The following GSTT4 variants were observed in gnomAD, a reference collection of about 807,000 sequenced individuals.
GSTT4 encodes the protein glutathione S-transferase theta-4.
intron 2 of GSTT4, among the ~76,000 whole-genome samples, chr22:24,003,529 A>T (rs1471091610): frequency 6.6e-6 from 1 of 152,266 alleles, no homozygotes; most frequent in Non-Finnish European, 1.5e-5. Flanking sequence ...GAATGGAATG[A>T]TGGGGTGTCT....
intron 2 of GSTT4, among the ~76,000 whole-genome samples, chr22:24,002,059 A>G (rs587602508): frequency 0.047 from 7,079 of 150,288 alleles, no homozygotes; most frequent in African/African-American, 0.17. Context: ...TCTGAAGAAA[A>G]GAGAGTAGGG....
intron 4 of GSTT4, among the ~76,000 whole-genome samples, chr22:23,999,455 A>G: frequency 1.5e-5 from 2 of 132,388 alleles, no homozygotes; most frequent in Non-Finnish European, 3.2e-5. Flanking sequence ...TCTCGGGCAT[A>G]TCTCTGGCTG....
intron 1 of GSTT4, 58 bp from the exon 2 acceptor site, chr22:24,003,905 C>G (rs2034293777): frequency 6.5e-6 from 1 of 154,980 alleles, no homozygotes; most frequent in Non-Finnish European, 1.5e-5. Context: ...AGAACTGAGA[C>G]TCCCAGAGAC....
chr22:24,001,206 T>A lies in GSTT4; in HGVS notation c.320A>T (p.Gln107Leu), dbSNP rs2034222262. The A allele has an allele frequency of 6.7e-6, 1 of 149,834 alleles. No homozygotes were observed. Among genetic ancestry groups the A allele is most frequent in the East Asian group, 2.0e-4 (1 of 5,054 alleles). The allele number at this position is 149,834 out of a possible 1,614,324, so 9.3% of individuals were successfully genotyped here. A position where few individuals can be genotyped will look rare whatever the true frequency, so the allele number is the denominator to read the frequency against. ...EFVAWQHTAF[Q>L]LPMKKIVWLK... Reference sequence around the variant, plus strand: ...CCAGACTATCTTCTTCATGGGCAGCTGAAAGGCCGTGTGTTGCCAAGCCAC... The same window carrying A: ...CCAGACTATCTTCTTCATGGGCAGCAGAAAGGCCGTGTGTTGCCAAGCCAC... The change falls in exon 3 of 5, where the codon CAG becomes CTG. Residue 107 changes from glutamine (Q) to leucine (L), a missense_variant. Gln to Leu is a moderately radical substitution (Grantham distance 113). Transcript: ENST00000621179.
downstream of GSTT4, among the ~76,000 whole-genome samples, chr22:23,996,270 T>TTTA (rs1394904372): frequency 2.6e-5 from 4 of 152,218 alleles, no homozygotes; most frequent in Admixed American, 2.6e-4. Context: ...TCTAATGGTT[T>TTTA]TTAAGTGAGT....
Position 24,005,300 on chromosome 22 carries a change from G to C in GSTT4, c.57C>G (p.Ile19Met), listed in dbSNP as rs1258144940. 2.0e-5 allele frequency: 3 copies of C among 153,328 alleles called. No homozygotes were observed. Among genetic ancestry groups the C allele is most frequent in the Non-Finnish European group, 4.4e-5 (3 of 68,474 alleles). The allele number at this position is 153,328 out of a possible 1,614,324, so 9.5% of individuals were successfully genotyped here. A position where few individuals can be genotyped will look rare whatever the true frequency, so the allele number is the denominator to read the frequency against. ...ACTGGATGTCATGCTTCTTCGAGAA[G>C]ATGTAGACGGCACGGCAGGGTGCTG... is the stretch of plus-strand genomic sequence containing the variant. ...LLSAPCRAVY[I>M]FSKKHDIQFN... Residue 19 changes from isoleucine (I) to methionine (M), a missense_variant, in exon 1 of 5, where the codon ATC becomes ATG. Coordinates refer to ENST00000621179, the MANE Select transcript of GSTT4 (RefSeq NM_001358664.2).
intron 1 of GSTT4, chr22:24,004,919 C>G (rs1488237200): frequency 1.3e-5 from 2 of 152,592 alleles, no homozygotes; most frequent in East Asian, 3.9e-4. Context: ...CCTGTAATCC[C>G]AGCACTCTGG....
chr22:24,002,420 C>T (rs1431876072), intron 2 of GSTT4, among the ~76,000 whole-genome samples: 1 of 152,252 alleles, frequency 6.6e-6, no homozygotes, highest in South Asian at 2.1e-4. Flanking sequence ...GGAACCTCCG[C>T]AGAACAAGGG....
chr22:23,991,696 G>A, the GSTT4 span, among the ~76,000 whole-genome samples: 1 of 141,822 alleles, frequency 7.1e-6, no homozygotes, highest in East Asian at 2.0e-4. Context: ...GTCAATCAGT[G>A]GCGTGTCTGC....
At chr22:24,003,336 G>A (rs1364323667) in intron 2 of GSTT4, among the ~76,000 whole-genome samples, 1 of 151,940 alleles carries the variant, frequency 6.6e-6, no homozygotes, top group Non-Finnish European at 1.5e-5. Flanking sequence ...TCAGCCTCCC[G>A]AGTAGCTGGG....
At chr22:23,993,740 A>G (rs2034089531), downstream of GSTT4, among the ~76,000 whole-genome samples, 1 of 151,950 alleles carries the variant, frequency 6.6e-6, no homozygotes, top group African/African-American at 2.4e-5. Context: ...ACCAATCTCT[A>G]CCTGGGCTCT....
At chr22:23,991,171 C>T in the GSTT4 span, among the ~76,000 whole-genome samples, 2 of 88,114 alleles carry the variant, frequency 2.3e-5, no homozygotes, top group African/African-American at 7.0e-5. Flanking sequence ...GAGTTAGATG[C>T]TGTCTCCAAA....
the GSTT4 span, among the ~76,000 whole-genome samples, chr22:23,992,670 T>C: frequency 6.6e-6 from 1 of 151,890 alleles, no homozygotes; most frequent in South Asian, 2.1e-4. Context: ...AAAGATCTCA[T>C]GAGGGTGGAC....
chr22:24,004,411 T>C (rs2034305358), intron 1 of GSTT4: 1 of 152,844 alleles, frequency 6.5e-6, no homozygotes. Context: ...AGCCCGTTCA[T>C]TTCCACAGCT....
the GSTT4 span, among the ~76,000 whole-genome samples, chr22:23,992,052 C>CAA: frequency 0.025 from 1,770 of 71,166 alleles, 42 homozygotes; most frequent in African/African-American, 0.078. Context: ...TACTCCGTCT[C>CAA]AAAAAAAAAA....
intron 2 of GSTT4, among the ~76,000 whole-genome samples, chr22:24,001,719 C>T (rs1368641486): frequency 1.3e-5 from 2 of 152,280 alleles, no homozygotes; most frequent in African/African-American, 4.8e-5. Context: ...GGCACGATGG[C>T]TCACACCTGT....
At chr22:23,996,211 G>C (rs1216220331), downstream of GSTT4, among the ~76,000 whole-genome samples, 2 of 151,664 alleles carry the variant, frequency 1.3e-5, no homozygotes, top group South Asian at 2.1e-4. Context: ...CAAAGTGCTG[G>C]GATTACAGGT....
chr22:23,991,790 C>G, the GSTT4 span, among the ~76,000 whole-genome samples: 4 of 140,584 alleles, frequency 2.8e-5, no homozygotes, highest in African/African-American at 1.0e-4. Context: ...CGCGGTGGCT[C>G]ACGCCTGTAA....
chr22:24,000,597 C>T (rs34282092), intron 3 of GSTT4, among the ~76,000 whole-genome samples: 81,175 of 126,316 alleles, frequency 0.64, 24,070 homozygotes, highest in South Asian at 0.76. Flanking sequence ...CTCACTCTGT[C>T]GCCCAGGCTG....
Sources: gnomAD v4.1 joint callset for allele counts (sites outside exome capture counted in the v4.1 genomes callset) on GRCh38, gnomAD v4.1.1 for gene constraint, MANE v1.5 for transcripts, NCBI Gene and HGNC (gene_info 2026-07-23, HGNC 2026-07-21) for gene names.